Variants in RNF157 observed in about 807,000 individuals in gnomAD.
RNF157 encodes E3 ubiquitin ligase RNF157.
In RNF157, 55 loss-of-function variants were observed where a neutral mutation model predicts 88.3. That is an observed-to-expected ratio of 0.62 (90% CI 0.50 to 0.78). The LOEUF (loss-of-function observed/expected upper bound fraction) is 0.78. Among genes scored for constraint, RNF157 ranks in the 30% least tolerant of loss-of-function variants. The pLI is 0.00. For synonymous variants in RNF157, 334 were observed against 341.2 expected (o/e 0.98, Z 0.23); for missense variants, 788 against 860.8 (o/e 0.92, Z 1.06).
At chr17:76,178,825 C>CTT (rs373983161) in intron 2 of RNF157, among the ~76,000 whole-genome samples, 3 of 149,500 alleles carry the variant, frequency 2.0e-5, no homozygotes, top group Non-Finnish European at 3.0e-5. Flanking sequence ...ATTTTTCTCT[C>CTT]TTTTTTTTTT....
chr17:76,169,754 G>T (rs1460964536), intron 3 of RNF157, among the ~76,000 whole-genome samples: 2 of 149,670 alleles, frequency 1.3e-5, no homozygotes, highest in African/African-American at 4.9e-5. Flanking sequence ...TAATTTTTTT[G>T]TATTTTTGTA....
chr17:76,162,252 C>A (rs1377276607), intron 9 of RNF157: 1 of 575,360 alleles, frequency 1.7e-6, no homozygotes, highest in East Asian at 2.9e-5. Flanking sequence ...AGAGCTGGGC[C>A]TCTCAAATCT....
chr17:76,220,957 CAAA>C (rs35782875), intron 1 of RNF157, among the ~76,000 whole-genome samples: 7 of 138,238 alleles, frequency 5.1e-5, no homozygotes, highest in Admixed American at 1.5e-4. Flanking sequence ...GATGCTGTCT[CAAA>C]AAAAAAAAAA....
chr17:76,237,822 CGTA>C (rs1384230882), intron 1 of RNF157, among the ~76,000 whole-genome samples: 2 of 151,778 alleles, frequency 1.3e-5, no homozygotes, highest in Non-Finnish European at 2.9e-5. Context: ...AGCTCACACC[CGTA>C]ATCCCAGCAC....
chr17:76,215,456 G>C (rs139989539), intron 1 of RNF157, among the ~76,000 whole-genome samples: 9 of 146,096 alleles, frequency 6.2e-5, no homozygotes, highest in Non-Finnish European at 1.0e-4. Flanking sequence ...CTGGGTGACA[G>C]AGTGAGACCC....
intron 2 of RNF157, among the ~76,000 whole-genome samples, chr17:76,199,627 T>C (rs1255893520): frequency 2.1e-5 from 3 of 141,754 alleles, no homozygotes; most frequent in South Asian, 2.2e-4. Context: ...TCAATACTAA[T>C]AGGTATAAAC....
chr17:76,234,037 C>A (rs919498457), intron 1 of RNF157, among the ~76,000 whole-genome samples: 1 of 152,246 alleles, frequency 6.6e-6, no homozygotes, highest in South Asian at 2.1e-4. Context: ...CTCTGGCAGC[C>A]GCAGGCACAG....
At chr17:76,204,528 G>T (rs1423261924) in intron 2 of RNF157, among the ~76,000 whole-genome samples, 1 of 152,154 alleles carries the variant, frequency 6.6e-6, no homozygotes. Flanking sequence ...ATAAATACTT[G>T]TTGAATGAAT....
chr17:76,230,066 G>C (rs1327617211), intron 1 of RNF157, among the ~76,000 whole-genome samples: 1 of 152,132 alleles, frequency 6.6e-6, no homozygotes, highest in Non-Finnish European at 1.5e-5. Context: ...CATGTGAATG[G>C]ATTTTTTTGG....
rs867107600 is a variant in RNF157 at position 76,176,491 on chromosome 17, C to T, written c.208-2701G>A. ...AATCGATTTTGCCTACTATTACTCT[C>T]GAAATTTCTTAGTGAGTTATCTTCC... On this transcript the variant is annotated intron_variant, in intron 2 of 18. Coordinates refer to ENST00000269391, the MANE Select transcript of RNF157 (RefSeq NM_052916.3). This position sits in a 1 kb window ranked among gnomAD's most constrained non-coding sequence, Gnocchi z 4.2. 2.0e-5 allele frequency among the ~76,000 whole-genome samples: 3 copies of T among 152,292 alleles called. No individual in the cohort carries two copies. The highest frequency in any genetic ancestry group is 6.5e-5 in the Admixed American group (1 of 15,300).
chr17:76,144,916 C>T lies in RNF157; in HGVS notation c.*319G>A, dbSNP rs1325017194. 1.6e-5 allele frequency: 4 copies of T among 254,614 alleles called. No homozygotes were observed. The highest frequency in any genetic ancestry group is 7.5e-5 in the East Asian group (1 of 13,352). 15.8% of individuals were successfully genotyped at this position (254,614 alleles called of 1,614,324 possible). Reference sequence around the variant, plus strand: ...AACTCTAAGCCTTCTTGTTCTACCCCCTAAGGAGAAAAAAGATGTGTAAGA... The same window carrying T: ...AACTCTAAGCCTTCTTGTTCTACCCTCTAAGGAGAAAAAAGATGTGTAAGA... On this transcript the variant is annotated 3_prime_UTR_variant, in exon 19 of 19. Coordinates refer to ENST00000269391, the MANE Select transcript of RNF157 (RefSeq NM_052916.3).
chr17:76,208,871 G>A lies in RNF157; in HGVS notation c.207+3493C>T, dbSNP rs186975616. On this transcript the variant is annotated intron_variant, in intron 2 of 18. Transcript: ENST00000269391. ...CACCTGTAATCCCAGCTAGTCAGGA[G>A]GCTGAGGCAGGAGAATCACTTGAGC... is the stretch of plus-strand genomic sequence containing the variant. Among the ~76,000 whole-genome samples the A allele has an allele frequency of 3.9e-5, 6 of 152,132 alleles. No individual in the cohort carries two copies. The East Asian group carries it at 5.8e-4, about 15-fold the overall frequency.
At chr17:76,227,769 C>T (rs779730232) in intron 1 of RNF157, among the ~76,000 whole-genome samples, 1 of 151,980 alleles carries the variant, frequency 6.6e-6, no homozygotes, top group Non-Finnish European at 1.5e-5. Context: ...CCCAGCTACT[C>T]AGGAGGCTCA....
Position 76,146,710 on chromosome 17 carries a change from C to T in RNF157, c.1922-1357G>A. 1.0e-6 allele frequency: 1 copy of T among 985,490 alleles called. No homozygotes were observed. The allele number at this position is 985,490 out of a possible 1,614,324, so 61.0% of individuals were successfully genotyped here. A position where few individuals can be genotyped will look rare whatever the true frequency, so the allele number is the denominator to read the frequency against. On this transcript the variant is annotated intron_variant, in intron 18 of 18. Transcript: ENST00000269391. This position sits in a 1 kb window ranked among gnomAD's most constrained non-coding sequence, Gnocchi z 4.2. The stretch of plus-strand genomic sequence containing the variant: ...CAGAAACCGCTAGGTCCTGGAGCTC[C>T]TCCATGGGACAAAGCTCCTCCTGGG...
chr17:76,166,377 G>A, intron 6 of RNF157, 84 bp downstream of exon 6: 1 of 1,129,858 alleles, frequency 8.9e-7, no homozygotes, highest in Non-Finnish European at 1.3e-6. Flanking sequence ...AAGAAGGCAT[G>A]TTGTTCTGGG....
At chr17:76,166,979 T>G (rs1356797247) in intron 5 of RNF157, 30 bp downstream of exon 5, 11 of 1,520,720 alleles carry the variant, frequency 7.2e-6, no homozygotes, top group Non-Finnish European at 8.1e-6. Context: ...TCTGAGTGGA[T>G]GTGGGAAACC....
chr17:76,150,408 C>T (rs139925038), intron 18 of RNF157, among the ~76,000 whole-genome samples: 1 of 152,290 alleles, frequency 6.6e-6, no homozygotes, highest in East Asian at 1.9e-4. Context: ...TAACTATCAA[C>T]AAGCAGGTTA....
chr17:76,207,492 CAGTCAAATGACAAACTTTTTAGT>C (rs2069701178), intron 2 of RNF157, among the ~76,000 whole-genome samples: 1 of 151,928 alleles, frequency 6.6e-6, no homozygotes, highest in Non-Finnish European at 1.5e-5. Flanking sequence ...AAGTACAGCT[CAGTCAAATGACAAACTTTTTAGT>C]CTGCTCATTC....
At chr17:76,228,211 G>C (rs1217825632) in intron 1 of RNF157, among the ~76,000 whole-genome samples, 1 of 152,060 alleles carries the variant, frequency 6.6e-6, no homozygotes, top group Non-Finnish European at 1.5e-5. Context: ...GTACAACACA[G>C]ACTGAACAAC....
Sources: gnomAD v4.1 joint callset for allele counts (sites outside exome capture counted in the v4.1 genomes callset) on GRCh38, gnomAD v4.1.1 for gene constraint, Gnocchi (gnomAD v3.1) non-coding constraint, MANE v1.5 for transcripts, NCBI Gene and HGNC (gene_info 2026-07-23, HGNC 2026-07-21) for gene names.